The following DAB1 variants were observed in gnomAD, a reference collection of about 807,000 sequenced individuals.
DAB1 encodes disabled homolog 1.
Under a neutral mutation model 64.6 loss-of-function variants are expected in DAB1, and 15 were observed. The observed-to-expected ratio is 0.23, with a 90% CI of 0.16 to 0.36. The LOEUF (loss-of-function observed/expected upper bound fraction) is 0.36, where lower values mean the gene tolerates loss of function less well. Ranked by LOEUF, DAB1 falls within the 10% of genes least tolerant of loss-of-function variation. The pLI is 1.00. For synonymous variants in DAB1, 235 were observed against 251.9 expected (o/e 0.93, Z 0.64); for missense variants, 596 against 706.7 (o/e 0.84, Z 1.78).
At chr1:57,594,637 T>G (rs1455839349) in intron 7 of DAB1, among the ~76,000 whole-genome samples, 1 of 152,134 alleles carries the variant, frequency 6.6e-6, no homozygotes, top group Non-Finnish European at 1.5e-5. Context: ...GAAAAATGAT[T>G]TCTTTTGTTC....
intron 3 of DAB1, among the ~76,000 whole-genome samples, chr1:58,355,765 T>G (rs1644104856): frequency 6.6e-6 from 1 of 152,178 alleles, no homozygotes; most frequent in South Asian, 2.1e-4. Flanking sequence ...CCCTCTTTTC[T>G]TGACTAACTT....
At chr1:58,263,585 C>T (rs1271421737) in intron 4 of DAB1, among the ~76,000 whole-genome samples, 2 of 152,162 alleles carry the variant, frequency 1.3e-5, no homozygotes, top group Non-Finnish European at 1.5e-5. Context: ...AGTTGCTAGA[C>T]CATAAGTTCT....
intron 2 of DAB1, among the ~76,000 whole-genome samples, chr1:57,156,901 T>C (rs61765335): frequency 0.12 from 17,950 of 152,100 alleles, 1,341 homozygotes; most frequent in East Asian, 0.4. Flanking sequence ...TAAGTAACTG[T>C]CTCAAAGCAG....
At chr1:57,166,045 A>G (rs1228859815) in intron 2 of DAB1, among the ~76,000 whole-genome samples, 2 of 152,240 alleles carry the variant, frequency 1.3e-5, no homozygotes, top group Admixed American at 1.3e-4. Flanking sequence ...AAGGAATCCT[A>G]ACAAATGGAA....
At chr1:58,006,647 GT>G (rs1344728586) in intron 5 of DAB1, among the ~76,000 whole-genome samples, 1 of 152,134 alleles carries the variant, frequency 6.6e-6, no homozygotes, top group Non-Finnish European at 1.5e-5. Context: ...GAAGGAACTG[GT>G]GTAAGCCAGA....
intron 7 of DAB1, among the ~76,000 whole-genome samples, chr1:57,439,418 G>GTTTTTTTTTTTTGTTT: frequency 6.9e-5 from 8 of 116,168 alleles, no homozygotes; most frequent in East Asian, 6.1e-4. Context: ...TGGTGATGAG[G>GTTTTTTTTTTTTGTTT]TTTTTTCTTT....
At chr1:57,988,326 C>A (rs1646273427) in intron 5 of DAB1, among the ~76,000 whole-genome samples, 1 of 152,218 alleles carries the variant, frequency 6.6e-6, no homozygotes, top group Non-Finnish European at 1.5e-5. Context: ...TGCCCCCCCA[C>A]TCACTCTGTG....
chr1:57,043,048 C>T (rs947225357), intron 9 of DAB1, among the ~76,000 whole-genome samples: 23 of 152,240 alleles, frequency 1.5e-4, no homozygotes, highest in African/African-American at 5.3e-4. Context: ...GGATATGATG[C>T]CCTCCTAGCC....
At chr1:57,637,128 G>A (rs1176761243) in intron 7 of DAB1, among the ~76,000 whole-genome samples, 1 of 152,092 alleles carries the variant, frequency 6.6e-6, no homozygotes, top group East Asian at 1.9e-4. Flanking sequence ...GGGATAAGAT[G>A]AGATACTTAC....
intron 4 of DAB1, among the ~76,000 whole-genome samples, chr1:58,301,241 G>C (rs929268308): frequency 1.4e-5 from 2 of 145,930 alleles, no homozygotes; most frequent in African/African-American, 5.1e-5. Flanking sequence ...GAGAGGGGGG[G>C]GTCATGAAAT....
rs1334442914 is a variant in DAB1 at position 57,951,320 on chromosome 1, A to G, written n.388-67158T>C. 6.5e-5 allele frequency among the ~76,000 whole-genome samples: 8 copies of G among 123,320 alleles called. 1 individual carries two copies. The highest frequency in any genetic ancestry group is 1.5e-4 in the Non-Finnish European group (8 of 53,704). 80.9% of individuals were successfully genotyped at this position (123,320 alleles called of 152,430 possible). On this transcript the variant is annotated intron_variant and non_coding_transcript_variant, in intron 5 of 20. Transcript: ENST00000485760. ...ATCCGGGAAGAGGAGCCTGATTCAT[A>G]TATATATATATACTTCCCTGGAAAC...
intron 7 of DAB1, among the ~76,000 whole-genome samples, chr1:57,526,589 C>T (rs1224631043): frequency 6.6e-6 from 1 of 152,146 alleles, no homozygotes; most frequent in Non-Finnish European, 1.5e-5. Context: ...CTGAGAAAGG[C>T]CCAGGTAAGC....
rs869204611 is a variant in DAB1, at chr1:58,180,281, CTTTTTTTTTT to C, written n.310-29703_310-29694del. 8.5e-4 allele frequency among the ~76,000 whole-genome samples: 52 copies of C among 61,034 alleles called. 1 individual carries two copies. The highest frequency in any genetic ancestry group is 2.1e-3 in the South Asian group (3 of 1,400). 40.0% of individuals were successfully genotyped at this position (61,034 alleles called of 152,430 possible). On this transcript the variant is annotated intron_variant and non_coding_transcript_variant, in intron 4 of 20. Transcript: ENST00000485760. ...CTTTCTTTTTTCTTTTTTTTCTTTT[CTTTTTTTTTT>C]TTTTTTTTTTTTTTTTTTTGAGATA...
At chr1:58,389,777 G>C (rs897927903) in intron 3 of DAB1, among the ~76,000 whole-genome samples, 1 of 152,124 alleles carries the variant, frequency 6.6e-6, no homozygotes, top group Non-Finnish European at 1.5e-5. Context: ...AGGGGAGAGA[G>C]GAGAGGGCAG....
At chr1:57,564,321 C>A (rs939715152) in intron 7 of DAB1, among the ~76,000 whole-genome samples, 1 of 152,124 alleles carries the variant, frequency 6.6e-6, no homozygotes, top group Non-Finnish European at 1.5e-5. Context: ...TTAGATAAAA[C>A]CACAAAGATG....
chr1:57,071,857 TC>T (rs1423614366), intron 5 of DAB1, among the ~76,000 whole-genome samples: 6 of 152,192 alleles, frequency 3.9e-5, no homozygotes, highest in Admixed American at 3.3e-4. Flanking sequence ...TTCATAATAA[TC>T]ATAAGCATAA....
At chr1:57,511,651 G>C (rs1484693874) in intron 7 of DAB1, among the ~76,000 whole-genome samples, 2 of 152,040 alleles carry the variant, frequency 1.3e-5, no homozygotes, top group African/African-American at 4.8e-5. Flanking sequence ...GCTCCATGAG[G>C]GCAAGACCTT....
chr1:57,071,998 A>G (rs1651511775), intron 5 of DAB1, among the ~76,000 whole-genome samples: 3 of 151,600 alleles, frequency 2.0e-5, no homozygotes, highest in Admixed American at 1.3e-4. Flanking sequence ...ACTTATTTGT[A>G]TACGGTGCCT....
chr1:57,907,202 G>T (rs909813785), intron 5 of DAB1, among the ~76,000 whole-genome samples: 4 of 152,116 alleles, frequency 2.6e-5, no homozygotes, highest in Non-Finnish European at 5.9e-5. Context: ...ACATAAGCAG[G>T]GCTCTTGGTG....
Sources: allele counts gnomAD v4.1 joint callset (sites outside exome capture counted in the v4.1 genomes callset), GRCh38; gene constraint gnomAD v4.1.1; transcripts MANE v1.5; gene names NCBI Gene and HGNC (gene_info 2026-07-23, HGNC 2026-07-21).